The following NCALD variants were observed in gnomAD, a reference collection of about 807,000 sequenced individuals.
The protein encoded by NCALD is neurocalcin delta.
In NCALD, 10 loss-of-function variants were observed where a neutral mutation model predicts 18.6. The observed-to-expected ratio is 0.54, with a 90% confidence interval of 0.33 to 0.91. NCALD has a LOEUF of 0.91. NCALD is among the 40% of genes least tolerant of loss of function. The pLI, the probability that NCALD is intolerant of heterozygous loss-of-function variation, is 0.03. For synonymous variants in NCALD, 88 were observed against 87.4 expected (o/e 1.01, Z -0.04); for missense variants, 184 against 247.6 (o/e 0.74, Z 1.72).
chr8:101,994,611 C>T (rs1821168722), intron 2 of NCALD, among the ~76,000 whole-genome samples: 1 of 152,346 alleles, frequency 6.6e-6, no homozygotes. Context: ...GGAGAAGCAG[C>T]AGGGCAAGGT....
intron 1 of NCALD, among the ~76,000 whole-genome samples, chr8:102,081,166 G>A (rs7830927): frequency 0.09 from 13,721 of 152,072 alleles, 1,666 homozygotes; most frequent in African/African-American, 0.28. Flanking sequence ...GACCCTTTCT[G>A]TTGGTGGCTC....
At chr8:101,719,823 AAGAT>A (rs143218263) in intron 1 of NCALD, among the ~76,000 whole-genome samples, 175 bp from the exon 2 acceptor site, 1,736 of 152,332 alleles carry the variant, frequency 0.011, 34 homozygotes, top group African/African-American at 0.038. Flanking sequence ...AAATAATAGA[AAGAT>A]AGGCCAGTAG....
chr8:101,762,614 AC>A (rs1811160639), intron 1 of NCALD, among the ~76,000 whole-genome samples: 1 of 143,866 alleles, frequency 7.0e-6, no homozygotes, highest in South Asian at 2.2e-4. Flanking sequence ...TTTTTCTGTC[AC>A]CCAGGCTGGA....
chr8:102,065,794 C>A (rs780637090), intron 1 of NCALD, among the ~76,000 whole-genome samples: 1 of 152,014 alleles, frequency 6.6e-6, no homozygotes, highest in Non-Finnish European at 1.5e-5. Context: ...GGCAACATAG[C>A]GAGACCCTGT....
At chr8:102,078,464 G>A (rs947486563) in intron 1 of NCALD, among the ~76,000 whole-genome samples, 6 of 152,000 alleles carry the variant, frequency 3.9e-5, no homozygotes, top group Middle Eastern at 3.4e-3. Flanking sequence ...TTTTTATTTC[G>A]CTTAGAAAAA....
intron 1 of NCALD, among the ~76,000 whole-genome samples, chr8:101,756,160 G>A (rs2186393): frequency 0.62 from 94,386 of 151,626 alleles, 31,796 homozygotes; most frequent in Non-Finnish European, 0.75. Context: ...TAAATGTACC[G>A]CTAGTGGCTC....
At chr8:101,771,314 TC>T (rs1193369849) in intron 1 of NCALD, among the ~76,000 whole-genome samples, 2 of 152,088 alleles carry the variant, frequency 1.3e-5, no homozygotes, top group Non-Finnish European at 2.9e-5. Flanking sequence ...GGACAAAAAT[TC>T]CCACAAAATG....
At chr8:102,088,215 A>G (rs1192688525) in intron 1 of NCALD, among the ~76,000 whole-genome samples, 1 of 152,126 alleles carries the variant, frequency 6.6e-6, no homozygotes. Flanking sequence ...CTCTTTTCAC[A>G]ATGGTGGCCC....
At chr8:101,891,653 C>T (rs995315180) in intron 3 of NCALD, among the ~76,000 whole-genome samples, 10 of 152,312 alleles carry the variant, frequency 6.6e-5, no homozygotes, top group South Asian at 2.1e-4. Flanking sequence ...CCAGTGGGTG[C>T]GTGCACCGAG....
intron 2 of NCALD, among the ~76,000 whole-genome samples, chr8:101,989,043 A>G (rs1820944226): frequency 6.6e-6 from 1 of 152,144 alleles, no homozygotes; most frequent in Non-Finnish European, 1.5e-5. Context: ...TGTCCATTAG[A>G]TTTCTTTGAG....
At chr8:102,097,185 C>T (rs1021667930) in intron 1 of NCALD, among the ~76,000 whole-genome samples, 7 of 152,194 alleles carry the variant, frequency 4.6e-5, no homozygotes, top group Non-Finnish European at 1.0e-4. Context: ...CTAAGTCCCA[C>T]AGCCTAAACA....
chr8:101,692,081 T>C, intron 3 of NCALD: 1 of 961,194 alleles, frequency 1.0e-6, no homozygotes, highest in Non-Finnish European at 1.2e-6. Flanking sequence ...GTTAGGCTAA[T>C]CCTAACAACT....
intron 2 of NCALD, among the ~76,000 whole-genome samples, chr8:101,715,132 T>C (rs1427225975): frequency 6.6e-6 from 1 of 151,868 alleles, no homozygotes; most frequent in Non-Finnish European, 1.5e-5. Flanking sequence ...AAAACAGATA[T>C]ATAGACCAAT....
At chr8:101,817,444 G>A (rs1040737077) in intron 4 of NCALD, among the ~76,000 whole-genome samples, 7 of 152,134 alleles carry the variant, frequency 4.6e-5, no homozygotes, top group African/African-American at 7.2e-5. Flanking sequence ...TTGCTTGTCC[G>A]CACAGTTTCC....
chr8:101,872,747 C>T (rs1249065898), intron 4 of NCALD, among the ~76,000 whole-genome samples: 2 of 152,188 alleles, frequency 1.3e-5, no homozygotes, highest in Non-Finnish European at 2.9e-5. Flanking sequence ...TCATTTCTAA[C>T]TCTTTCTCTC....
At chr8:101,878,892 T>C (rs548183346) in intron 4 of NCALD, among the ~76,000 whole-genome samples, 6 of 152,188 alleles carry the variant, frequency 3.9e-5, no homozygotes, top group African/African-American at 1.2e-4. Flanking sequence ...CCATGTCCTA[T>C]GATTACGATG....
At chr8:101,771,167 C>T (rs1020227347) in intron 1 of NCALD, among the ~76,000 whole-genome samples, 7 of 152,170 alleles carry the variant, frequency 4.6e-5, no homozygotes, top group Admixed American at 3.9e-4. Flanking sequence ...CAAACAATAA[C>T]AAGATATGGC....
chr8:102,039,764 G>A (rs918815799), intron 1 of NCALD, among the ~76,000 whole-genome samples: 1 of 152,136 alleles, frequency 6.6e-6, no homozygotes, highest in Admixed American at 6.5e-5. Context: ...CCTAGTGGGA[G>A]TGTTTGGAAA....
intron 2 of NCALD, chr8:101,986,424 G>C (rs1222699806): frequency 6.6e-6 from 1 of 152,218 alleles, no homozygotes; most frequent in Admixed American, 6.5e-5. Flanking sequence ...CCACCTATAA[G>C]CTCTGATTCA....
Sources: allele counts gnomAD v4.1 joint callset (sites outside exome capture counted in the v4.1 genomes callset), GRCh38; gene constraint gnomAD v4.1.1; transcripts MANE v1.5; gene names NCBI Gene and HGNC (gene_info 2026-07-23, HGNC 2026-07-21).